The following KMT2A variants were observed in gnomAD, a reference collection of about 807,000 sequenced individuals.
KMT2A encodes the protein lysine methyltransferase 2A.
Under a neutral mutation model 345.3 loss-of-function variants are expected in KMT2A, and 16 were observed. That is an observed-to-expected ratio of 0.05 (90% CI 0.03 to 0.07). The LOEUF (loss-of-function observed/expected upper bound fraction) is 0.07, where lower values mean the gene tolerates loss of function less well. KMT2A is among the 10% of genes least tolerant of loss of function. KMT2A has a pLI of 1.00. For missense variants in KMT2A, 3,272 were observed against 4,841.6 expected (o/e 0.68, Z 9.62); for synonymous variants, 1,599 against 1,778.6 (o/e 0.90, Z 2.54).
At position 118,526,010 on chromosome 11, in the gene KMT2A, A is replaced by G. The variant is rs531138900; in HGVS notation, c.*3838A>G. 9.1e-6 allele frequency: 2 copies of G among 219,724 alleles called. No individual in the cohort carries two copies. The highest frequency in any genetic ancestry group is 1.3e-4 in the East Asian group (2 of 14,940). 13.6% of individuals were successfully genotyped at this position (219,724 alleles called of 1,614,324 possible). A position where few individuals can be genotyped will look rare whatever the true frequency, so the allele number is the denominator to read the frequency against. On this transcript the variant is annotated 3_prime_UTR_variant, in exon 36 of 36. Transcript: ENST00000534358. Reference sequence around the variant, plus strand: ...TGATATATATAGGAACTAATATAGTAATGCACCATGTAACAAAGCCTAGTT... The same window carrying G: ...TGATATATATAGGAACTAATATAGTGATGCACCATGTAACAAAGCCTAGTT...
chr11:118,453,238 C>T (rs12795394), intron 1 of KMT2A, among the ~76,000 whole-genome samples: 4 of 152,132 alleles, frequency 2.6e-5, no homozygotes, highest in African/African-American at 9.7e-5. Flanking sequence ...TCATTCTTTC[C>T]TCAACTACTC....
Position 118,496,211 on chromosome 11 carries a change from C to A in KMT2A, c.5558-50C>A. 2.3e-6 allele frequency: 3 copies of A among 1,326,262 alleles called. No individual in the cohort carries two copies. The highest frequency in any genetic ancestry group is 1.2e-5 in the South Asian group (1 of 84,444). 82.2% of individuals were successfully genotyped at this position (1,326,262 alleles called of 1,614,324 possible). On this transcript the variant is annotated intron_variant, in intron 19 of 35. Transcript: ENST00000534358. The surrounding 1 kb of genome is among the most constrained non-coding windows in gnomAD (Gnocchi z 4.7). ...TCCTTGAAATCAGACATAGTATTGC[C>A]AATTTTAACTGGATCTCAAGGTATT...
chr11:118,486,375 G>GT (rs11445156), intron 10 of KMT2A, among the ~76,000 whole-genome samples: 118,663 of 146,628 alleles, frequency 0.81, 48,365 homozygotes, highest in Admixed American at 0.88. Flanking sequence ...TGTTTCTCTG[G>GT]TTTTTTTTTT....
rs1950201591 is a variant in KMT2A at position 118,484,826 on chromosome 11, G to A, written c.4219-36G>A. ...ATTTTCCATCCAAAGTTGTGTAATT[G>A]TAAAACTTTCCTAAGTGACCTTTCT... is the stretch of plus-strand genomic sequence containing the variant. On this transcript the variant is annotated intron_variant, in intron 9 of 35. Transcript: ENST00000534358. This position sits in a 1 kb window ranked among gnomAD's most constrained non-coding sequence, Gnocchi z 4.1. 6 of 1,419,878 alleles carry A rather than the reference G, an allele frequency of 4.2e-6. No homozygotes were observed. Among genetic ancestry groups the A allele is most frequent in the Non-Finnish European group, 6.0e-6 (6 of 1,003,666 alleles). 88.0% of individuals were successfully genotyped at this position (1,419,878 alleles called of 1,614,324 possible). A position where few individuals can be genotyped will look rare whatever the true frequency, so the allele number is the denominator to read the frequency against.
intron 1 of KMT2A, among the ~76,000 whole-genome samples, chr11:118,438,571 G>A (rs1555139352): frequency 6.6e-6 from 1 of 152,074 alleles, no homozygotes. Flanking sequence ...ACAACCAGCC[G>A]TTTCCTGCGT....
chr11:118,525,780 T>C lies in KMT2A; in HGVS notation c.*3608T>C, dbSNP rs1403389992. On this transcript the variant is annotated 3_prime_UTR_variant, in exon 36 of 36. Transcript: ENST00000534358. ...TCGGTTTGGGATTTTTTTTTTTTAA[T>C]AGAAATCAAGTTGTTTTTGTTTTTA... 4.5e-6 allele frequency: 1 copy of C among 224,344 alleles called. No individual in the cohort carries two copies. Among genetic ancestry groups the C allele is most frequent in the Admixed American group, 5.7e-5 (1 of 17,454 alleles). The allele number at this position is 224,344 out of a possible 1,614,324, so 13.9% of individuals were successfully genotyped here.
intron 1 of KMT2A, among the ~76,000 whole-genome samples, chr11:118,466,382 C>T (rs781831913): frequency 6.6e-6 from 1 of 152,196 alleles, no homozygotes; most frequent in Non-Finnish European, 1.5e-5. Context: ...GCCTTGAACT[C>T]CTGGCCTCAA....
chr11:118,519,596 C>G, intron 31 of KMT2A, 22 bp from the exon 32 acceptor site: 3 of 1,603,408 alleles, frequency 1.9e-6, no homozygotes, highest in Non-Finnish European at 2.6e-6. Flanking sequence ...CCTCACTTCC[C>G]TGGTGCTTCT....
intron 1 of KMT2A, 88 bp downstream of exon 1, chr11:118,437,032 A>G: frequency 1.5e-6 from 2 of 1,318,032 alleles, no homozygotes; most frequent in Non-Finnish European, 2.0e-6. Context: ...GGAGCATCCC[A>G]ATTCTGGGAC....
At position 118,525,546 on chromosome 11, in the gene KMT2A, C is replaced by T. The variant is rs1951062913; in HGVS notation, c.*3374C>T. On this transcript the variant is annotated 3_prime_UTR_variant, in exon 36 of 36. Transcript: ENST00000534358. ...CCCAGCCCGCCACCCTGCTCGCCTCCGTCAAACCCCCGGCCAATGCAGTGA... is the reference window on the plus strand; with the variant it reads ...CCCAGCCCGCCACCCTGCTCGCCTCTGTCAAACCCCCGGCCAATGCAGTGA... The T allele has an allele frequency of 2.7e-5, 6 of 222,184 alleles. No individual in the cohort carries two copies. The highest frequency in any genetic ancestry group is 4.5e-5 in the African/African-American group (2 of 44,494). The allele number at this position is 222,184 out of a possible 1,614,324, so 13.8% of individuals were successfully genotyped here.
In KMT2A at chr11:118,495,606, C is replaced by A; in HGVS notation, c.5364-94C>A. ...TCTTATATTCTGTGAATGGCTCCTACATGGGGCAACAGGTGATATCAAGAA... is the reference window on the plus strand; with the variant it reads ...TCTTATATTCTGTGAATGGCTCCTAAATGGGGCAACAGGTGATATCAAGAA... On this transcript the variant is annotated intron_variant, in intron 18 of 35. Transcript: ENST00000534358. The surrounding 1 kb of genome is among the most constrained non-coding windows in gnomAD (Gnocchi z 4.1). 5 of 931,282 alleles carry A rather than the reference C, an allele frequency of 5.4e-6. No individual in the cohort carries two copies. Among genetic ancestry groups the A allele is most frequent in the Non-Finnish European group, 7.8e-6 (5 of 639,316 alleles). The allele number at this position is 931,282 out of a possible 1,614,324, so 57.7% of individuals were successfully genotyped here. A position where few individuals can be genotyped will look rare whatever the true frequency, so the allele number is the denominator to read the frequency against.
At chr11:118,483,033 GAC>G (rs1555039780) in intron 8 of KMT2A, among the ~76,000 whole-genome samples, 1 of 151,972 alleles carries the variant, frequency 6.6e-6, no homozygotes, top group Non-Finnish European at 1.5e-5. Context: ...AGGAGTTGGA[GAC>G]CAGCCTGGCC....
rs782044763 is a variant in KMT2A, at chr11:118,520,900, C to G, written c.11513+15C>G. 3.8e-6 allele frequency: 6 copies of G among 1,586,744 alleles called. No individual in the cohort carries two copies. The highest frequency in any genetic ancestry group is 1.7e-4 in the Middle Eastern group (1 of 6,010). On this transcript the variant is annotated intron_variant, in intron 34 of 35. Transcript: ENST00000534358. The surrounding 1 kb of genome is among the most constrained non-coding windows in gnomAD (Gnocchi z 4.3). ...GGTGTCTACAGGTATGACTAAAATT[C>G]TAGAAAGAATTACAGAAAACGAATG... is the stretch of plus-strand genomic sequence containing the variant.
Position 118,472,710 on chromosome 11 carries a change from G to A in KMT2A, c.1551G>A (p.Gln517=). The change falls in exon 3 of 36, where the codon CAG becomes CAA. Residue 517 remains glutamine (Q), a synonymous_variant. Transcript: ENST00000534358. The part of the protein sequence containing the change: ...PEVHPPLPIS[Q]SPENESNDRR... ...TTCATCCTCCACTGCCCATTTCCCA[G>A]TCCCCAGAAAATGAGAGTAATGATA... 6.2e-7 allele frequency: 1 copy of A among 1,613,408 alleles called. No homozygotes were observed. The highest frequency in any genetic ancestry group is 1.3e-5 in the African/African-American group (1 of 74,728).
At chr11:118,438,100 G>A (rs563976087) in intron 1 of KMT2A, among the ~76,000 whole-genome samples, 2 of 152,148 alleles carry the variant, frequency 1.3e-5, no homozygotes, top group South Asian at 2.1e-4. Context: ...AAGCCAGGTT[G>A]GGGTGAGGAG....
At position 118,471,930 on chromosome 11, in the gene KMT2A, A is replaced by G. The variant is rs1949949329; in HGVS notation, c.771A>G (p.Lys257=). ...AAGAAGATAGCCTGAAAAAAATTAA[A>G]AGGACACCTTCTGCTACGTTTCAGC... ...GNKEDSLKKI[K]RTPSATFQQA... is the part of the protein sequence containing the mutation. Residue 257 remains lysine (K), a synonymous_variant, in exon 3 of 36, where the codon AAA becomes AAG. Coordinates refer to ENST00000534358, the MANE Select transcript of KMT2A (RefSeq NM_001197104.2). The G allele has an allele frequency of 6.2e-7, 1 of 1,614,014 alleles. No individual in the cohort carries two copies. Among genetic ancestry groups the G allele is most frequent in the African/African-American group, 1.3e-5 (1 of 74,936 alleles).
intron 1 of KMT2A, among the ~76,000 whole-genome samples, chr11:118,442,488 G>A (rs1383956411): frequency 6.6e-6 from 1 of 152,214 alleles, no homozygotes; most frequent in African/African-American, 2.4e-5. Flanking sequence ...TATGAAACTT[G>A]ATGAGTAAAA....
In KMT2A at chr11:118,491,997, T is replaced by C; in HGVS notation, c.5004+69T>C. ...GTCTTTACCTAGTGTTTTTCTTTTGTTTTACTTCATTCTCCTCACTTAATT... is the reference window on the plus strand; with the variant it reads ...GTCTTTACCTAGTGTTTTTCTTTTGCTTTACTTCATTCTCCTCACTTAATT... On this transcript the variant is annotated intron_variant, in intron 15 of 35. Coordinates refer to ENST00000534358, the MANE Select transcript of KMT2A (RefSeq NM_001197104.2). The surrounding 1 kb of genome is among the most constrained non-coding windows in gnomAD (Gnocchi z 4.2). 6.5e-6 allele frequency: 7 copies of C among 1,069,968 alleles called. No homozygotes were observed. Among genetic ancestry groups the C allele is most frequent in the Non-Finnish European group, 9.4e-6 (7 of 741,416 alleles). 66.3% of individuals were successfully genotyped at this position (1,069,968 alleles called of 1,614,324 possible).
intron 30 of KMT2A, among the ~76,000 whole-genome samples, chr11:118,511,691 GTT>G (rs1208326030): frequency 6.6e-6 from 1 of 152,210 alleles, no homozygotes; most frequent in Non-Finnish European, 1.5e-5. Context: ...GGGATTCAGA[GTT>G]CATTTCAGAA....
Sources: gnomAD v4.1 joint callset for allele counts (sites outside exome capture counted in the v4.1 genomes callset) on GRCh38, gnomAD v4.1.1 for gene constraint, Gnocchi (gnomAD v3.1) non-coding constraint, MANE v1.5 for transcripts, NCBI Gene and HGNC (gene_info 2026-07-23, HGNC 2026-07-21) for gene names.